Variants in KIRREL3 observed in about 807,000 individuals in gnomAD.
KIRREL3 encodes kin of IRRE-like protein 3.
KIRREL3 carries 36 observed loss-of-function variants against 89.7 expected under a neutral mutation model. The ratio of observed to expected loss-of-function variants is 0.40; its 90% confidence interval spans 0.31 to 0.53. KIRREL3 has a LOEUF of 0.53. KIRREL3 is among the 20% of genes least tolerant of loss of function. The pLI, the probability that KIRREL3 is intolerant of heterozygous loss-of-function variation, is 0.49. For missense variants in KIRREL3, 864 were observed against 1,056.6 expected, an observed-to-expected ratio of 0.82 and a Z score of 2.53; for synonymous variants, 445 against 441.4, an observed-to-expected ratio of 1.01 and a Z score of -0.10.
Position 126,530,719 on chromosome 11 carries a change from C to T in KIRREL3, c.134-4032G>A, listed in dbSNP as rs1157038112. ...AGTGGAGATGTGACACACCCAGCAC[C>T]TTCCACCGGCCCAGGGTTTCCATCT... On this transcript the variant is annotated intron_variant, in intron 2 of 16. Transcript: ENST00000525144. The surrounding 1 kb of genome is among the most constrained non-coding windows in gnomAD (Gnocchi z 5.8). 1.3e-5 allele frequency among the ~76,000 whole-genome samples: 2 copies of T among 152,238 alleles called. No homozygotes were observed. Among genetic ancestry groups the T allele is most frequent in the Non-Finnish European group, 2.9e-5 (2 of 68,036 alleles).
intron 1 of KIRREL3, among the ~76,000 whole-genome samples, chr11:126,934,000 C>A (rs1319801193): frequency 2.7e-5 from 4 of 146,646 alleles, no homozygotes; most frequent in African/African-American, 2.5e-5. Context: ...CTGGAAAAGA[C>A]AAAAAAAAAA....
chr11:126,884,461 A>T (rs2134730816), intron 1 of KIRREL3, among the ~76,000 whole-genome samples: 1 of 152,354 alleles, frequency 6.6e-6, no homozygotes, highest in Middle Eastern at 3.4e-3. Flanking sequence ...TCAAGCACAG[A>T]GAGAATTGCA....
In KIRREL3 at chr11:126,642,043, T is replaced by C. The variant is rs1449064516; in HGVS notation, c.56-79131A>G. On this transcript the variant is annotated intron_variant, in intron 1 of 16. Coordinates refer to ENST00000525144, the MANE Select transcript of KIRREL3 (RefSeq NM_032531.4). This position sits in a 1 kb window ranked among gnomAD's most constrained non-coding sequence, Gnocchi z 4.9. ...GAAATGTACCGATGTCCTTAGATGC[T>C]GCAGATGGAGCCCAGATCCCAGTGA... Among the ~76,000 whole-genome samples the C allele has an allele frequency of 2.0e-5, 3 of 152,194 alleles. No homozygotes were observed. The highest frequency in any genetic ancestry group is 7.2e-5 in the African/African-American group (3 of 41,460).
rs2134242452 is a variant in KIRREL3 at position 126,459,011 on chromosome 11, C to T, written c.743-2557G>A. Among the ~76,000 whole-genome samples the T allele has an allele frequency of 6.6e-6, 1 of 152,282 alleles. No homozygotes were observed. The highest frequency in any genetic ancestry group is 1.9e-4 in the East Asian group (1 of 5,158). ...GAGAACATGGACACTCAGGGAGGAG[C>T]CTGCATCTCGCCGTGGGTTGGAGAA... On this transcript the variant is annotated intron_variant, in intron 6 of 16. Transcript: ENST00000525144. The surrounding 1 kb of genome is among the most constrained non-coding windows in gnomAD (Gnocchi z 4.8).
chr11:126,818,760 C>T (rs1729085856), intron 1 of KIRREL3, among the ~76,000 whole-genome samples: 1 of 151,468 alleles, frequency 6.6e-6, no homozygotes, highest in South Asian at 2.1e-4. Context: ...TCTGTCTTCT[C>T]CCCATTGTGT....
rs1233646525 is a variant in KIRREL3 at position 126,432,365 on chromosome 11, C to G, written c.1589-839G>C. Among the ~76,000 whole-genome samples, 1 of 152,176 alleles carries G rather than the reference C, an allele frequency of 6.6e-6. No homozygotes were observed. The highest frequency in any genetic ancestry group is 1.5e-5 in the Non-Finnish European group (1 of 68,018). On this transcript the variant is annotated intron_variant, in intron 13 of 16. Coordinates refer to ENST00000525144, the MANE Select transcript of KIRREL3 (RefSeq NM_032531.4). The surrounding 1 kb of genome is among the most constrained non-coding windows in gnomAD (Gnocchi z 6.2). Reference sequence around the variant, plus strand: ...ATAGAGTCGGGGGTGATCTTCCACACAGCCTTGGCCCTTCTACAGCTGCAA... The same window carrying G: ...ATAGAGTCGGGGGTGATCTTCCACAGAGCCTTGGCCCTTCTACAGCTGCAA...
Position 126,539,052 on chromosome 11 carries a change from A to G in KIRREL3, c.134-12365T>C, listed in dbSNP as rs549839669. Among the ~76,000 whole-genome samples the G allele has an allele frequency of 6.6e-5, 10 of 152,334 alleles. 2 individuals carry two copies. The South Asian group carries it at 2.1e-3, about 32-fold the overall frequency. On this transcript the variant is annotated intron_variant, in intron 2 of 16. Transcript: ENST00000525144. ...CATGGAATAAAAGCAGCAGTGCCAC[A>G]TGGTCTAGGCTTGATCTCTGACCCT...
At chr11:126,832,278 C>T (rs563294532) in intron 1 of KIRREL3, among the ~76,000 whole-genome samples, 185 of 152,210 alleles carry the variant, frequency 1.2e-3, no homozygotes, top group African/African-American at 4.3e-3. Context: ...TGAGCGTCTA[C>T]TAGTGTAAGG....
Position 126,895,569 on chromosome 11 carries a change from C to A in KIRREL3, c.55+104886G>T, listed in dbSNP as rs577437872. Among the ~76,000 whole-genome samples the A allele has an allele frequency of 1.5e-3, 229 of 152,072 alleles. 1 individual carries two copies. Among genetic ancestry groups the A allele is most frequent in the Non-Finnish European group, 2.5e-3 (171 of 67,982 alleles). ...TTCCAAAGCAATGCTCTGGGACAAG[C>A]CTTTGGGATTCTCCTGCCATCCTTT... On this transcript the variant is annotated intron_variant, in intron 1 of 16. Coordinates refer to ENST00000525144, the MANE Select transcript of KIRREL3 (RefSeq NM_032531.4).
In KIRREL3 at chr11:126,566,135, TG is replaced by T. The variant is rs1940502407; in HGVS notation, c.56-3224del. 8.6e-6 allele frequency among the ~76,000 whole-genome samples: 1 copy of T among 116,232 alleles called. No homozygotes were observed. The highest frequency in any genetic ancestry group is 2.5e-4 in the South Asian group (1 of 3,968). 76.3% of individuals were successfully genotyped at this position (116,232 alleles called of 152,430 possible). A position where few individuals can be genotyped will look rare whatever the true frequency, so the allele number is the denominator to read the frequency against. On this transcript the variant is annotated intron_variant, in intron 1 of 16. Transcript: ENST00000525144. The surrounding 1 kb of genome is among the most constrained non-coding windows in gnomAD (Gnocchi z 4.9). ...CACCCAGATACTCTAAAGCTGGCTA[TG>T]GAAAAATAATTACCATGAAAGGAGT...
intron 5 of KIRREL3, among the ~76,000 whole-genome samples, chr11:126,468,063 A>G (rs1489889502): frequency 6.6e-6 from 1 of 152,168 alleles, no homozygotes. Context: ...CCAAGCAGAC[A>G]CAGACACGAC....
At chr11:126,982,648 C>T (rs1167830792) in intron 1 of KIRREL3, among the ~76,000 whole-genome samples, 4 of 152,200 alleles carry the variant, frequency 2.6e-5, no homozygotes, top group Non-Finnish European at 1.5e-5. Flanking sequence ...CCAACACCTC[C>T]AGGCGTGACT....
intron 1 of KIRREL3, among the ~76,000 whole-genome samples, chr11:126,979,978 A>G (rs147172591): frequency 4.9e-4 from 75 of 152,306 alleles, no homozygotes; most frequent in Middle Eastern, 3.4e-3. Flanking sequence ...CTTACCATTG[A>G]GTTGGGAAAA....
chr11:126,613,121 C>G (rs1405397173), intron 1 of KIRREL3, among the ~76,000 whole-genome samples: 1 of 152,106 alleles, frequency 6.6e-6, no homozygotes, highest in Admixed American at 6.5e-5. Flanking sequence ...TGTCCACCCC[C>G]TTACATTTAA....
In KIRREL3 at chr11:126,531,337, A is replaced by G. The variant is rs1958936722; in HGVS notation, c.134-4650T>C. Among the ~76,000 whole-genome samples, 1 of 152,050 alleles carries G rather than the reference A, an allele frequency of 6.6e-6. No homozygotes were observed. The highest frequency in any genetic ancestry group is 2.1e-4 in the South Asian group (1 of 4,824). ...CCTGGATTTTCCGTCTTAATTCACC[A>G]CTTGCTTCAGGGTTCCCCTCTTTTA... On this transcript the variant is annotated intron_variant, in intron 2 of 16. Transcript: ENST00000525144. This position sits in a 1 kb window ranked among gnomAD's most constrained non-coding sequence, Gnocchi z 4.7.
chr11:126,997,135 TG>T lies in KIRREL3; in HGVS notation c.55+3319del, dbSNP rs1950200370. On this transcript the variant is annotated intron_variant, in intron 1 of 16. Transcript: ENST00000525144. The surrounding 1 kb of genome is among the most constrained non-coding windows in gnomAD (Gnocchi z 4.3). ...CTGTGCATGTGCAGGCTGGATGGGA[TG>T]GGGCTTGAAGCTTAAGGAGGGCACA... Among the ~76,000 whole-genome samples the T allele has an allele frequency of 6.6e-6, 1 of 152,096 alleles. No individual in the cohort carries two copies. Among genetic ancestry groups the T allele is most frequent in the Non-Finnish European group, 1.5e-5 (1 of 68,020 alleles).
In KIRREL3 at chr11:126,489,448, G is replaced by C. The variant is rs1055609154; in HGVS notation, c.434-15982C>G. On this transcript the variant is annotated intron_variant, in intron 4 of 16. Transcript: ENST00000525144. The surrounding 1 kb of genome is among the most constrained non-coding windows in gnomAD (Gnocchi z 5.5). ...GGATACTTTGGGAGGCGCAGATCTA[G>C]GACACATTGATAAGCATGGAGTGTC... Among the ~76,000 whole-genome samples, 1 of 152,198 alleles carries C rather than the reference G, an allele frequency of 6.6e-6. No individual in the cohort carries two copies. Among genetic ancestry groups the C allele is most frequent in the Non-Finnish European group, 1.5e-5 (1 of 68,032 alleles).
At chr11:126,789,615 C>G (rs1475648628) in intron 1 of KIRREL3, among the ~76,000 whole-genome samples, 2 of 152,224 alleles carry the variant, frequency 1.3e-5, no homozygotes, top group Non-Finnish European at 2.9e-5. Flanking sequence ...TTGCCAGTCT[C>G]TCAAACTGCC....
intron 1 of KIRREL3, among the ~76,000 whole-genome samples, chr11:126,718,648 C>T (rs940503118): frequency 6.6e-6 from 1 of 152,230 alleles, no homozygotes; most frequent in Non-Finnish European, 1.5e-5. Context: ...AAGTGCTGTG[C>T]TTTACACATA....
Sources: gnomAD v4.1 joint callset for allele counts (sites outside exome capture counted in the v4.1 genomes callset) on GRCh38, gnomAD v4.1.1 for gene constraint, Gnocchi (gnomAD v3.1) non-coding constraint, MANE v1.5 for transcripts, NCBI Gene and HGNC (gene_info 2026-07-23, HGNC 2026-07-21) for gene names.